The following CASK variants were observed in gnomAD, a reference collection of about 807,000 sequenced individuals.
CASK encodes calcium/calmodulin dependent serine protein kinase, also known as peripheral plasma membrane protein CASK.
A neutral mutation model predicts 82.9 loss-of-function variants in CASK; 4 were observed. The ratio of observed to expected loss-of-function variants is 0.05; its 90% confidence interval spans 0.02 to 0.11. The LOEUF is 0.11. Among genes scored for constraint, CASK ranks in the 10% least tolerant of loss-of-function variants. The pLI, the probability that CASK is intolerant of heterozygous loss-of-function variation, is 1.00. For synonymous variants in CASK, 259 were observed against 253.5 expected (o/e 1.02, Z -0.20); for missense variants, 358 against 720.9 (o/e 0.50, Z 5.76).
chrX:41,893,666 C>A (rs1199892375), intron 1 of CASK, among the ~76,000 whole-genome samples: 4 of 112,403 alleles, frequency 3.6e-5, no homozygotes, highest in African/African-American at 1.3e-4. Context: ...CACAGAGATT[C>A]CTTCAGCAAA....
At chrX:41,721,217 A>T (rs1377292740) in intron 5 of CASK, among the ~76,000 whole-genome samples, 1 of 111,184 alleles carries the variant, frequency 9.0e-6, no homozygotes, top group Admixed American at 9.6e-5. Flanking sequence ...AGAAAAGTCC[A>T]AAGGGGCCAC....
At chrX:41,578,609 GACAGGGTCTCACTC>G (rs1477884073) in intron 14 of CASK, 81 bp from the exon 15 acceptor site, 2 of 757,605 alleles carry the variant, frequency 2.6e-6, no homozygotes, top group African/African-American at 4.2e-5. Flanking sequence ...TTTATTTTGA[GACAGGGTCTCACTC>G]TGTCACCCAG....
intron 1 of CASK, among the ~76,000 whole-genome samples, chrX:41,860,756 C>G (rs186457965): frequency 1.8e-5 from 2 of 111,705 alleles, no homozygotes; most frequent in African/African-American, 6.5e-5. Flanking sequence ...GTGATTAAAC[C>G]AAAGAAAAAA....
At chrX:41,880,949 C>T (rs1393477250) in intron 1 of CASK, among the ~76,000 whole-genome samples, 1 of 111,505 alleles carries the variant, frequency 9.0e-6, no homozygotes, top group African/African-American at 3.3e-5. Context: ...AAATATTTCA[C>T]ATTTTCTATC....
At chrX:41,699,296 A>G (rs897722590) in intron 5 of CASK, among the ~76,000 whole-genome samples, 3 of 112,217 alleles carry the variant, frequency 2.7e-5, no homozygotes, top group African/African-American at 9.7e-5. Context: ...GCAAAAGTAT[A>G]TTTTAAAAAT....
intron 8 of CASK, among the ~76,000 whole-genome samples, chrX:41,651,052 T>C (rs1176242332): frequency 8.9e-6 from 1 of 112,321 alleles, no homozygotes; most frequent in Non-Finnish European, 1.9e-5. Flanking sequence ...TTTCTTGTGC[T>C]AGAAATTTAT....
In CASK at chrX:41,569,760, A is replaced by AG. The variant is rs747923370; in HGVS notation, c.1504-15_1504-14insC. On this transcript the variant is annotated splice_polypyrimidine_tract_variant and intron_variant, in intron 15 of 26. Transcript: ENST00000378163. The stretch of plus-strand genomic sequence containing the variant: ...TAAAGTGATTCCCTGTTAAAAAAAA[A>AG]ATAAAAAGTTCAGCAAAAGTAGAAT... 208 of 1,023,914 alleles carry AG rather than the reference A, an allele frequency of 2.0e-4. No individual in the cohort carries two copies. The African/African-American group carries it at 3.6e-3, about 18-fold the overall frequency. The allele number at this position is 1,023,914 out of a possible 1,213,427, so 84.4% of individuals were successfully genotyped here.
At chrX:41,802,992 A>AG (rs1376156543) in intron 2 of CASK, among the ~76,000 whole-genome samples, 2 of 111,543 alleles carry the variant, frequency 1.8e-5, no homozygotes, top group African/African-American at 3.3e-5. Flanking sequence ...AAGTTACTAG[A>AG]GGGCATACTT....
At chrX:41,852,430 A>G (rs770646150) in intron 2 of CASK, among the ~76,000 whole-genome samples, 76 of 111,997 alleles carry the variant, frequency 6.8e-4, no homozygotes, top group Non-Finnish European at 1.2e-3. Context: ...TAGAAAAGTT[A>G]GTATCATGAT....
chrX:41,609,961 C>A lies in CASK; in HGVS notation c.1098G>T (p.Lys366Asn), dbSNP rs1205947875. The A allele has an allele frequency of 1.7e-6, 2 of 1,205,916 alleles. No individual in the cohort carries two copies. The highest frequency in any genetic ancestry group is 3.5e-5 in the African/African-American group (2 of 57,140). Residue 366 changes from lysine to asparagine, a missense_variant, in exon 12 of 27, where the codon AAG becomes AAT. This residue lies in a region of CASK where 110 missense variants were observed against 218.8 expected (regional missense o/e 0.50). Coordinates refer to ENST00000378163, the MANE Select transcript of CASK (RefSeq NM_001367721.1). The part of the protein sequence containing the change: ...EIHALTDCSE[K>N]DLDFLHSVFQ... The stretch of plus-strand genomic sequence containing the variant: ...AAACACTGTGTAGAAAATCTAGGTC[C>A]TTTTCACTGCAGTCTGTAAGCGCAT...
intron 6 of CASK, among the ~76,000 whole-genome samples, chrX:41,666,870 C>T (rs2067125894): frequency 8.9e-6 from 1 of 111,797 alleles, no homozygotes; most frequent in Middle Eastern, 4.6e-3. Flanking sequence ...ACTAAGCCTT[C>T]CATACTTCAT....
rs182771757 is a variant in CASK, at chrX:41,535,050, C to A, written c.2156-77G>T. 7.0e-3 allele frequency: 4,290 copies of A among 611,353 alleles called. 68 individuals are homozygous for A. The highest frequency in any genetic ancestry group is 0.053 in the Admixed American group (1,843 of 34,957). 50.4% of individuals were successfully genotyped at this position (611,353 alleles called of 1,213,427 possible). On this transcript the variant is annotated intron_variant, in intron 22 of 26. Transcript: ENST00000378163. Reference sequence around the variant, plus strand: ...TGTACATAAATTATAATTTTACTGGCAAAACTACAGTTATATTAAAACCAT... The same window carrying A: ...TGTACATAAATTATAATTTTACTGGAAAAACTACAGTTATATTAAAACCAT...
intron 2 of CASK, among the ~76,000 whole-genome samples, chrX:41,826,123 A>G (rs951357237): frequency 1.8e-5 from 2 of 112,105 alleles, no homozygotes; most frequent in African/African-American, 6.5e-5. Flanking sequence ...TTAAGGCAAC[A>G]AAGTTTAAGT....
intron 24 of CASK, 114 bp downstream of exon 24, chrX:41,534,592 A>G (rs1170493384): frequency 3.4e-6 from 2 of 592,465 alleles, no homozygotes; most frequent in Non-Finnish European, 5.4e-6. Context: ...TTGATTTTAC[A>G]AATTTCCTAC....
chrX:41,560,935 T>A lies in CASK; in HGVS notation c.1668+624A>T, dbSNP rs752797614. Among the ~76,000 whole-genome samples the A allele has an allele frequency of 1.1e-3, 122 of 110,958 alleles. 1 individual carries two copies. The highest frequency in any genetic ancestry group is 1.3e-3 in the Non-Finnish European group (71 of 52,897). On this transcript the variant is annotated intron_variant, in intron 17 of 26. Coordinates refer to ENST00000378163, the MANE Select transcript of CASK (RefSeq NM_001367721.1). ...TGTTTGGTGAGTCTGTGAAGCTTATTTCATACTTAATAGGTATTCATAACC... is the reference window on the plus strand; with the variant it reads ...TGTTTGGTGAGTCTGTGAAGCTTATATCATACTTAATAGGTATTCATAACC...
rs751344758 is a variant in CASK, at chrX:41,520,567, C to T, written c.2634G>A (p.Glu878=). The T allele has an allele frequency of 9.9e-6, 12 of 1,206,753 alleles. No individual in the cohort carries two copies. The highest frequency in any genetic ancestry group is 1.2e-5 in the Non-Finnish European group (11 of 892,847). The change falls in exon 27 of 27, where the codon GAG becomes GAA. Residue 878 remains glutamate, a synonymous_variant. Transcript: ENST00000378163. The stretch of plus-strand genomic sequence containing the variant: ...CATATGTTCTCTGTAAGATGTCAGA[C>T]TCCTTCTGCAGACGCTGAAGAGATT... ...EDESLQRLQK[E]SDILQRTYAH...
intron 11 of CASK, among the ~76,000 whole-genome samples, chrX:41,618,034 G>A (rs1298643958): frequency 9.0e-6 from 1 of 111,707 alleles, no homozygotes; most frequent in Non-Finnish European, 1.9e-5. Context: ...GTATTCTGGG[G>A]TGTACTTTGC....
At chrX:41,812,624 A>G (rs1313536663) in intron 2 of CASK, among the ~76,000 whole-genome samples, 2 of 111,669 alleles carry the variant, frequency 1.8e-5, no homozygotes, top group Non-Finnish European at 3.8e-5. Flanking sequence ...ACAAACCCAC[A>G]GCCAATATCA....
At position 41,755,138 on chromosome X, in the gene CASK, A is replaced by G. The variant is rs746150579; in HGVS notation, c.279-9537T>C. Reference sequence around the variant, plus strand: ...GTGATCTGCCTGCCTCGGCCTCCCAAAGTGCTGGGATTACAGGTGTTAGCC... The same window carrying G: ...GTGATCTGCCTGCCTCGGCCTCCCAGAGTGCTGGGATTACAGGTGTTAGCC... On this transcript the variant is annotated intron_variant, in intron 3 of 26. Transcript: ENST00000378163. Among the ~76,000 whole-genome samples, 22 of 111,191 alleles carry G rather than the reference A, an allele frequency of 2.0e-4. No homozygotes were observed. In the South Asian group the frequency reaches 8.3e-3, roughly 42 times the overall value.
Sources: allele counts gnomAD v4.1 joint callset (sites outside exome capture counted in the v4.1 genomes callset), GRCh38; gene constraint gnomAD v4.1.1; regional missense constraint gnomAD v4.1.1; transcripts MANE v1.5; gene names NCBI Gene and HGNC (gene_info 2026-07-23, HGNC 2026-07-21).